Variants in SEPTIN11 observed in about 807,000 individuals in gnomAD.
SEPTIN11 encodes the protein septin 11, also known as septin-11.
In SEPTIN11, 25 loss-of-function variants were observed where a neutral mutation model predicts 51.4. That is an observed-to-expected ratio of 0.49 (90% CI 0.35 to 0.68). SEPTIN11 has a LOEUF of 0.68. Ranked by LOEUF, SEPTIN11 falls within the 30% of genes least tolerant of loss-of-function variation. The pLI, the probability that SEPTIN11 is intolerant of heterozygous loss-of-function variation, is 0.00. For missense variants in SEPTIN11, 381 were observed against 520.8 expected (o/e 0.73, Z 2.61); for synonymous variants, 174 against 184.1 (o/e 0.95, Z 0.44).
At chr4:77,019,814 A>T (rs1359187053) in intron 6 of SEPTIN11, among the ~76,000 whole-genome samples, 1 of 152,214 alleles carries the variant, frequency 6.6e-6, no homozygotes, top group African/African-American at 2.4e-5. Context: ...GAAGGAGGAC[A>T]TCCAGTGCTA....
intron 1 of SEPTIN11, among the ~76,000 whole-genome samples, chr4:76,979,578 A>G (rs1298993873): frequency 1.3e-5 from 2 of 152,140 alleles, no homozygotes; most frequent in East Asian, 3.9e-4. Flanking sequence ...TTAAATGGGA[A>G]GGTTTTTAAA....
chr4:77,029,358 G>A (rs1163564935), intron 8 of SEPTIN11, among the ~76,000 whole-genome samples: 1 of 152,012 alleles, frequency 6.6e-6, no homozygotes, highest in Non-Finnish European at 1.5e-5. Flanking sequence ...GTGTGTGTAT[G>A]TGTGCTTGTG....
intron 8 of SEPTIN11, among the ~76,000 whole-genome samples, chr4:77,030,453 A>G (rs937627033): frequency 6.6e-6 from 1 of 151,626 alleles, no homozygotes; most frequent in Non-Finnish European, 1.5e-5. Flanking sequence ...GCTGGAGTGC[A>G]GTGGTACGAT....
intron 4 of SEPTIN11, among the ~76,000 whole-genome samples, chr4:77,013,722 G>A (rs1442617772): frequency 6.6e-6 from 1 of 152,166 alleles, no homozygotes; most frequent in African/African-American, 2.4e-5. Flanking sequence ...TCTCATTCGG[G>A]TTTATCAGGA....
intron 1 of SEPTIN11, among the ~76,000 whole-genome samples, chr4:76,988,178 A>G (rs1180403509): frequency 6.6e-6 from 1 of 152,256 alleles, no homozygotes; most frequent in East Asian, 1.9e-4. Context: ...ATATTTTTAC[A>G]TACTATAGGC....
intron 1 of SEPTIN11, among the ~76,000 whole-genome samples, chr4:76,956,265 A>G (rs1419848901): frequency 6.6e-6 from 1 of 152,210 alleles, no homozygotes; most frequent in Non-Finnish European, 1.5e-5. Flanking sequence ...TGTCAAGACA[A>G]TTATCTCACC....
At chr4:77,039,109 A>G, downstream of SEPTIN11, 1 of 1,288,684 alleles carries the variant, frequency 7.8e-7, no homozygotes, top group South Asian at 1.2e-5. Context: ...GACAAGCCCT[A>G]CTCTCTCCTA....
intron 7 of SEPTIN11, among the ~76,000 whole-genome samples, chr4:77,026,332 A>G (rs78409948): frequency 0.016 from 2,379 of 152,316 alleles, 63 homozygotes; most frequent in African/African-American, 0.054. Flanking sequence ...TAGTTAGCAA[A>G]CTAGTTATAT....
chr4:76,958,739 T>G (rs1205905779), intron 1 of SEPTIN11: 1 of 586,296 alleles, frequency 1.7e-6, no homozygotes, highest in Non-Finnish European at 3.0e-6. Context: ...GAATTAATGT[T>G]TTATTGTCAC....
intron 5 of SEPTIN11, among the ~76,000 whole-genome samples, chr4:77,016,836 A>T (rs1725346172): frequency 6.6e-6 from 1 of 151,350 alleles, no homozygotes; most frequent in Non-Finnish European, 1.5e-5. Flanking sequence ...TATAATAACT[A>T]TTTATATAGT....
intron 3 of SEPTIN11, among the ~76,000 whole-genome samples, chr4:77,007,261 A>C (rs1724549028): frequency 6.6e-6 from 1 of 152,224 alleles, no homozygotes; most frequent in African/African-American, 2.4e-5. Flanking sequence ...CTCACAGAAT[A>C]TACCCAGAGC....
chr4:77,005,119 G>T (rs138272302), intron 2 of SEPTIN11, among the ~76,000 whole-genome samples: 1 of 152,294 alleles, frequency 6.6e-6, no homozygotes, highest in African/African-American at 2.4e-5. Flanking sequence ...TCTTTTCTAC[G>T]ACATGGTATC....
At chr4:76,965,904 C>G (rs985307565) in intron 1 of SEPTIN11, among the ~76,000 whole-genome samples, 1 of 152,188 alleles carries the variant, frequency 6.6e-6, no homozygotes, top group African/African-American at 2.4e-5. Flanking sequence ...GGGCTTGGCT[C>G]AGCTGTCTAT....
chr4:77,033,812 T>TA (rs34728036), intron 9 of SEPTIN11, among the ~76,000 whole-genome samples: 43 of 152,030 alleles, frequency 2.8e-4, no homozygotes, highest in Non-Finnish European at 4.7e-4. Context: ...ACTCATCTTT[T>TA]AAAAAAAAAT....
At chr4:77,018,953 A>G (rs1253787514) in intron 5 of SEPTIN11, among the ~76,000 whole-genome samples, 1 of 152,214 alleles carries the variant, frequency 6.6e-6, no homozygotes, top group African/African-American at 2.4e-5. Context: ...GCAAAGACTC[A>G]TACACTTTTC....
At chr4:76,995,702 A>T in intron 1 of SEPTIN11, 1 of 1,289,244 alleles carries the variant, frequency 7.8e-7, no homozygotes. Flanking sequence ...ATAACAGCAT[A>T]AATCACCCAG....
At chr4:76,963,330 T>G (rs947844467) in intron 1 of SEPTIN11, among the ~76,000 whole-genome samples, 3 of 152,260 alleles carry the variant, frequency 2.0e-5, no homozygotes, top group Non-Finnish European at 4.4e-5. Flanking sequence ...TACATTTCAG[T>G]GGGTAAAAGT....
rs1727120970 is a variant in SEPTIN11, at chr4:77,037,580, A to G, written c.*3068A>G. 2 of 985,402 alleles carry G rather than the reference A, an allele frequency of 2.0e-6. No individual in the cohort carries two copies. Among genetic ancestry groups the G allele is most frequent in the Non-Finnish European group, 2.4e-6 (2 of 829,868 alleles). 61.0% of individuals were successfully genotyped at this position (985,402 alleles called of 1,614,324 possible). On this transcript the variant is annotated 3_prime_UTR_variant, in exon 10 of 10. Transcript: ENST00000264893. ...AGTTTAATGGTCTCTCCCTGGTGCTAACTGCTGACAGTGGCCACCTCTTTT... is the reference window on the plus strand; with the variant it reads ...AGTTTAATGGTCTCTCCCTGGTGCTGACTGCTGACAGTGGCCACCTCTTTT...
At chr4:77,034,034 C>T (rs1726866879) in intron 9 of SEPTIN11, among the ~76,000 whole-genome samples, 3 of 152,134 alleles carry the variant, frequency 2.0e-5, no homozygotes, top group Admixed American at 2.0e-4. Context: ...AATTTCAATC[C>T]CTAAACTGCT....
Sources: gnomAD v4.1 joint callset for allele counts (sites outside exome capture counted in the v4.1 genomes callset) on GRCh38, gnomAD v4.1.1 for gene constraint, MANE v1.5 for transcripts, NCBI Gene and HGNC (gene_info 2026-07-23, HGNC 2026-07-21) for gene names.